The following CHRNA3 variants were observed in gnomAD, a reference collection of about 807,000 sequenced individuals.
The protein encoded by CHRNA3 is cholinergic receptor nicotinic alpha 3 subunit, also known as neuronal acetylcholine receptor subunit alpha-3.
A neutral mutation model predicts 41.9 loss-of-function variants in CHRNA3; 34 were observed. That is an observed-to-expected ratio of 0.81 (90% CI 0.62 to 1.08). CHRNA3 has a LOEUF of 1.08. Among genes scored for constraint, CHRNA3 ranks in the 50% least tolerant of loss-of-function variants. CHRNA3 has a pLI of 0.00. For synonymous variants in CHRNA3, 281 were observed against 265.2 expected (o/e 1.06, Z -0.58); for missense variants, 542 against 638.3 (o/e 0.85, Z 1.63).
chr15:78,601,504 G>A lies in CHRNA3; in HGVS notation c.1138C>T (p.Leu380=). ...RPLYGAELSN[L]NCFSRAESKG... ...GACTCTGCGCGGCTGAAGCAATTCA[G>A]ATTTGAGAGCTCGGCACCGTAGAGG... Residue 380 remains leucine, a synonymous_variant, in exon 5 of 6, where the codon CTG becomes TTG. Coordinates refer to ENST00000326828, the MANE Select transcript of CHRNA3 (RefSeq NM_000743.5). The A allele has an allele frequency of 6.2e-7, 1 of 1,614,200 alleles. No homozygotes were observed. Among genetic ancestry groups the A allele is most frequent in the Non-Finnish European group, 8.5e-7 (1 of 1,180,034 alleles).
Position 78,618,817 on chromosome 15 carries a change from T to C in CHRNA3, c.181A>G (p.Ile61Val), listed in dbSNP as rs950115251. Residue 61 changes from isoleucine (I) to valine (V), a missense_variant, in exon 2 of 6, where the codon ATC becomes GTC. Physicochemically the swap from Ile to Val is conservative, Grantham distance 29. Transcript: ENST00000326828. The part of the protein sequence containing the change: ...RPVANVSDPV[I>V]IHFEVSMSQL... ...GACATGGACACCTCGAAATGGATGA[T>C]GACTGGGTCAGACACGTTGGCTACA... The C allele has an allele frequency of 6.2e-7, 1 of 1,614,132 alleles. No homozygotes were observed. The highest frequency in any genetic ancestry group is 8.5e-7 in the Non-Finnish European group (1 of 1,180,016).
chr15:78,613,397 A>G (rs1227629465), intron 4 of CHRNA3, among the ~76,000 whole-genome samples: 1 of 152,068 alleles, frequency 6.6e-6, no homozygotes, highest in Non-Finnish European at 1.5e-5. Flanking sequence ...GCCATAAAAA[A>G]TGATGAGTTC....
At chr15:78,610,287 ACAC>A (rs1182901766) in intron 4 of CHRNA3, among the ~76,000 whole-genome samples, 1 of 152,188 alleles carries the variant, frequency 6.6e-6, no homozygotes, top group Admixed American at 6.5e-5. Context: ...TTTCAGCACC[ACAC>A]CACACCTATT....
At chr15:78,604,044 C>G (rs867434453) in intron 4 of CHRNA3, among the ~76,000 whole-genome samples, 25 of 152,288 alleles carry the variant, frequency 1.6e-4, no homozygotes, top group African/African-American at 6.0e-4. Context: ...TTCCATACAG[C>G]ATCCTGGATC....
intron 4 of CHRNA3, among the ~76,000 whole-genome samples, chr15:78,605,523 C>T (rs985600336): frequency 1.3e-5 from 2 of 151,998 alleles, no homozygotes; most frequent in African/African-American, 4.8e-5. Context: ...GAGGACCCCA[C>T]TCTGCACTGA....
intron 4 of CHRNA3, 24 bp downstream of exon 4, chr15:78,617,000 G>T (rs1023503400): frequency 6.4e-7 from 1 of 1,555,424 alleles, no homozygotes. Context: ...GCCCTGAGAG[G>T]GCGTGGGCCC....
chr15:78,604,205 G>A (rs938682), intron 4 of CHRNA3, among the ~76,000 whole-genome samples: 108,228 of 152,096 alleles, frequency 0.71, 39,306 homozygotes, highest in Non-Finnish European at 0.77. Context: ...TTGAGCTCCA[G>A]GGGCAGAGAT....
At chr15:78,611,977 G>T (rs2141338581) in intron 4 of CHRNA3, among the ~76,000 whole-genome samples, 1 of 152,278 alleles carries the variant, frequency 6.6e-6, no homozygotes, top group Non-Finnish European at 1.5e-5. Context: ...TTGCTTCAAA[G>T]AGAATAAAAT....
At chr15:78,595,304 C>T (rs199910663), downstream of CHRNA3, 10 of 985,096 alleles carry the variant, frequency 1.0e-5, no homozygotes, top group East Asian at 1.1e-4. Flanking sequence ...TGAGTCACAG[C>T]GGGCTGCAAT....
chr15:78,614,121 T>G (rs1419733171), intron 4 of CHRNA3, among the ~76,000 whole-genome samples: 2 of 152,190 alleles, frequency 1.3e-5, no homozygotes, highest in Non-Finnish European at 2.9e-5. Context: ...CACAGCCAAT[T>G]TGCAACATTT....
chr15:78,607,033 G>A (rs2053300315), intron 4 of CHRNA3, among the ~76,000 whole-genome samples: 1 of 151,636 alleles, frequency 6.6e-6, no homozygotes, highest in Non-Finnish European at 1.5e-5. Context: ...TTTGAGACCA[G>A]CCTGGCCAAC....
intron 3 of CHRNA3, among the ~76,000 whole-genome samples, chr15:78,617,428 T>C (rs2053480701): frequency 6.6e-6 from 1 of 152,146 alleles, no homozygotes; most frequent in Non-Finnish European, 1.5e-5. Flanking sequence ...TGGTCACTTC[T>C]AGTGCCAGGT....
intron 3 of CHRNA3, among the ~76,000 whole-genome samples, chr15:78,617,467 C>T (rs1263078557): frequency 1.3e-5 from 2 of 152,138 alleles, no homozygotes; most frequent in East Asian, 3.9e-4. Context: ...TGCATCATGT[C>T]CAGGTCCATG....
rs2053192660 is a variant in CHRNA3, at chr15:78,601,298, G to A, written c.1344C>T (p.Val448=). ...CTTTCATATTTTCAGCAATATACTT[G>A]ACACTTTGGATGGCTTCTTTGATTT... is the stretch of plus-strand genomic sequence containing the variant. ...SPEIKEAIQS[V]KYIAENMKAQ... The change falls in exon 5 of 6, where the codon GTC becomes GTT. Residue 448 remains valine, a synonymous_variant. Transcript: ENST00000326828. The A allele has an allele frequency of 6.2e-7, 1 of 1,614,038 alleles. No homozygotes were observed. The highest frequency in any genetic ancestry group is 1.7e-5 in the Admixed American group (1 of 60,010).
intron 4 of CHRNA3, among the ~76,000 whole-genome samples, chr15:78,608,282 C>A (rs913064758): frequency 2.0e-5 from 3 of 152,216 alleles, no homozygotes; most frequent in Non-Finnish European, 4.4e-5. Flanking sequence ...GGGTCCCTGA[C>A]CCCCGAGCAG....
rs1184238041 is a variant in CHRNA3 at position 78,617,044 on chromosome 15, T to C, written c.357A>G (p.Pro119=). The change falls in exon 4 of 6, where the codon CCA becomes CCG. Residue 119 remains proline, a synonymous_variant. Transcript: ENST00000326828. ...CTTACTTGTTATACAGCACAATGTC[T>C]GGCTTCCAGATCTTCTGTGCAGGGA... ...MRVPAQKIWK[P]DIVLYNNAVG... The C allele has an allele frequency of 1.9e-6, 3 of 1,613,346 alleles. No homozygotes were observed. The Admixed American group carries it at 5.0e-5, about 27-fold the overall frequency.
intron 4 of CHRNA3, among the ~76,000 whole-genome samples, chr15:78,615,686 T>C (rs2094393232): frequency 6.6e-6 from 1 of 152,028 alleles, no homozygotes; most frequent in African/African-American, 2.4e-5. Context: ...ATATTAACTT[T>C]AGAAAAGACA....
At position 78,595,987 on chromosome 15, in the gene CHRNA3, T is replaced by C. The variant is rs199846852; in HGVS notation, c.*617A>G. On this transcript the variant is annotated 3_prime_UTR_variant, in exon 6 of 6. Transcript: ENST00000326828. ...CCAAAACTGAGAAGTTTCTGTTGTT[T>C]ATAATCCACCCAGTTTATGGTGTAC... 3 of 913,552 alleles carry C rather than the reference T, an allele frequency of 3.3e-6. No individual in the cohort carries two copies. The highest frequency in any genetic ancestry group is 2.6e-6 in the Non-Finnish European group (2 of 765,246). The allele number at this position is 913,552 out of a possible 1,614,324, so 56.6% of individuals were successfully genotyped here. A position where few individuals can be genotyped will look rare whatever the true frequency, so the allele number is the denominator to read the frequency against.
At chr15:78,619,014 C>T in intron 1 of CHRNA3, 99 bp from the exon 2 acceptor site, 1 of 1,329,292 alleles carries the variant, frequency 7.5e-7, no homozygotes, top group Non-Finnish European at 1.0e-6. Flanking sequence ...TCCCCTCCAC[C>T]TGTGGGGGGA....
Sources: gnomAD v4.1 joint callset for allele counts (sites outside exome capture counted in the v4.1 genomes callset) on GRCh38, gnomAD v4.1.1 for gene constraint, MANE v1.5 for transcripts, NCBI Gene and HGNC (gene_info 2026-07-23, HGNC 2026-07-21) for gene names.